The following NUDT5 variants were observed in gnomAD, a reference collection of about 807,000 sequenced individuals.
NUDT5 encodes ADP-sugar pyrophosphatase.
A neutral mutation model predicts 34.1 loss-of-function variants in NUDT5; 21 were observed. The observed-to-expected ratio is 0.62, with a 90% confidence interval of 0.44 to 0.89. The LOEUF is 0.89. NUDT5 is among the 40% of genes least tolerant of loss of function. The probability of loss-of-function intolerance (pLI) is 0.00; values close to 1 mark genes in which losing one functional copy is unlikely to be tolerated. For synonymous variants in NUDT5, 85 were observed against 97.6 expected, an observed-to-expected ratio of 0.87 and a Z score of 0.76; for missense variants, 249 against 274.8, an observed-to-expected ratio of 0.91 and a Z score of 0.66.
At position 12,169,409 on chromosome 10, in the gene NUDT5, G is replaced by C; in HGVS notation, c.550+1308C>G. On this transcript the variant is annotated intron_variant, in intron 9 of 9. Transcript: ENST00000491614. The surrounding 1 kb of genome is among the most constrained non-coding windows in gnomAD (Gnocchi z 4.8). ...CTCCTCAGAGGGAGGGGCTGTTATT[G>C]TTCCTGTTTTATGAAAAAAGCCGAG... The C allele has an allele frequency of 1.1e-6, 1 of 946,644 alleles. No individual in the cohort carries two copies. Among genetic ancestry groups the C allele is most frequent in the Non-Finnish European group, 1.6e-6 (1 of 636,746 alleles). 58.6% of individuals were successfully genotyped at this position (946,644 alleles called of 1,614,324 possible).
rs918618949 is a variant in NUDT5 at position 12,165,519 on chromosome 10, CAGAT to C, written c.*2179_*2182del. 79 of 246,306 alleles carry C rather than the reference CAGAT, an allele frequency of 3.2e-4. No homozygotes were observed. Among genetic ancestry groups the C allele is most frequent in the African/African-American group, 1.7e-3 (75 of 43,274 alleles). The allele number at this position is 246,306 out of a possible 1,614,324, so 15.3% of individuals were successfully genotyped here. A position where few individuals can be genotyped will look rare whatever the true frequency, so the allele number is the denominator to read the frequency against. ...TCAAACTTTAATCCTAAATTATTGACAGATAGATAGATAGTGACCAACTTAAGGG... is the reference window on the plus strand; with the variant it reads ...TCAAACTTTAATCCTAAATTATTGACAGATAGATAGTGACCAACTTAAGGG... On this transcript the variant is annotated 3_prime_UTR_variant, in exon 10 of 10. Transcript: ENST00000491614.
intron 1 of NUDT5, among the ~76,000 whole-genome samples, chr10:12,191,909 G>A (rs1453774506): frequency 6.6e-6 from 1 of 152,126 alleles, no homozygotes; most frequent in Non-Finnish European, 1.5e-5. Flanking sequence ...TCAAAAGCCT[G>A]GTTCTGCAGT....
intron 2 of NUDT5, 61 bp downstream of exon 2, chr10:12,186,168 T>C (rs1835123842): frequency 1.6e-6 from 2 of 1,226,894 alleles, no homozygotes; most frequent in South Asian, 1.2e-5. Context: ...ACAGTCTATA[T>C]ATTTCTGCTA....
chr10:12,195,640 A>G (rs1231711482), intron 1 of NUDT5, 130 bp downstream of exon 1: 2 of 152,676 alleles, frequency 1.3e-5, no homozygotes, highest in Non-Finnish European at 2.9e-5. Context: ...GGGCGCCTGG[A>G]CGCGTGCCCA....
In NUDT5 at chr10:12,169,202, A is replaced by T. The variant is rs1834789615; in HGVS notation, c.551-1391T>A. ...TTTACCCCTCCTCCTTTATAGCCATAGTAGCCCTCTCTCCACCTCCCCTCA... is the reference window on the plus strand; with the variant it reads ...TTTACCCCTCCTCCTTTATAGCCATTGTAGCCCTCTCTCCACCTCCCCTCA... On this transcript the variant is annotated intron_variant, in intron 9 of 9. Transcript: ENST00000491614. This position sits in a 1 kb window ranked among gnomAD's most constrained non-coding sequence, Gnocchi z 4.8. The T allele has an allele frequency of 8.4e-7, 1 of 1,187,456 alleles. No individual in the cohort carries two copies. Among genetic ancestry groups the T allele is most frequent in the Non-Finnish European group, 1.2e-6 (1 of 823,762 alleles). 73.6% of individuals were successfully genotyped at this position (1,187,456 alleles called of 1,614,324 possible).
At chr10:12,167,856 G>GGACAAAACATCTTATTCAATCA in intron 9 of NUDT5, 45 bp from the exon 10 acceptor site, 1 of 1,608,348 alleles carries the variant, frequency 6.2e-7, no homozygotes, top group South Asian at 1.1e-5. Context: ...CGTTAAGGAA[G>GGACAAAACATCTTATTCAATCA]GACAAAACAT....
chr10:12,194,592 C>T (rs1252643331), intron 1 of NUDT5, among the ~76,000 whole-genome samples: 2 of 152,200 alleles, frequency 1.3e-5, no homozygotes, highest in Non-Finnish European at 2.9e-5. Context: ...CAACTAGCCA[C>T]TTAGCCAGTA....
intron 1 of NUDT5, among the ~76,000 whole-genome samples, chr10:12,188,788 G>A (rs1031354467): frequency 1.5e-4 from 22 of 147,056 alleles, no homozygotes; most frequent in Admixed American, 2.7e-4. Flanking sequence ...TCACTCCCCC[G>A]GACCTCATTT....
intron 5 of NUDT5, among the ~76,000 whole-genome samples, chr10:12,176,030 T>C (rs937977965): frequency 6.6e-6 from 1 of 151,736 alleles, no homozygotes; most frequent in African/African-American, 2.4e-5. Context: ...AAACCCCGTC[T>C]CTACTGAGAA....
Position 12,195,832 on chromosome 10 carries a change from G to A in NUDT5, c.-104C>T, listed in dbSNP as rs1298666604. On this transcript the variant is annotated 5_prime_UTR_variant, in exon 1 of 10. Coordinates refer to ENST00000491614, the MANE Select transcript of NUDT5 (RefSeq NM_014142.4). ...TAACTAGCTGGAGGCAGCAGTGTCA[G>A]CCGATGCCGGTGCCACGGCTCGAAA... is the stretch of plus-strand genomic sequence containing the variant. 1 of 238,896 alleles carries A rather than the reference G, an allele frequency of 4.2e-6. No individual in the cohort carries two copies. Among genetic ancestry groups the A allele is most frequent in the African/African-American group, 2.3e-5 (1 of 43,270 alleles). 14.8% of individuals were successfully genotyped at this position (238,896 alleles called of 1,614,324 possible). A position where few individuals can be genotyped will look rare whatever the true frequency, so the allele number is the denominator to read the frequency against.
intron 1 of NUDT5, among the ~76,000 whole-genome samples, chr10:12,195,019 C>T (rs1444096631): frequency 2.6e-5 from 4 of 152,092 alleles, no homozygotes; most frequent in Admixed American, 6.5e-5. Context: ...AAAAATTAGC[C>T]GGCGTAGTGG....
chr10:12,178,149 A>T (rs188441202), intron 4 of NUDT5, among the ~76,000 whole-genome samples: 3 of 147,182 alleles, frequency 2.0e-5, no homozygotes, highest in African/African-American at 7.5e-5. Context: ...AAATCGGAAT[A>T]AAACGAAACA....
In NUDT5 at chr10:12,177,775, C is replaced by T. The variant is rs375202726; in HGVS notation, c.289+18G>A. 435 of 1,563,734 alleles carry T rather than the reference C, an allele frequency of 2.8e-4. No individual in the cohort carries two copies. Among genetic ancestry groups the T allele is most frequent in the South Asian group, 6.1e-4 (55 of 90,012 alleles). On this transcript the variant is annotated intron_variant, in intron 5 of 9. Transcript: ENST00000491614. Reference sequence around the variant, plus strand: ...AGGCCAACATCCCTAAGAAGCAATTCGATGTTGAGTGACTCACCTGCAGGG... The same window carrying T: ...AGGCCAACATCCCTAAGAAGCAATTTGATGTTGAGTGACTCACCTGCAGGG...
At chr10:12,185,370 T>C (rs1835109046) in intron 2 of NUDT5, among the ~76,000 whole-genome samples, 1 of 152,194 alleles carries the variant, frequency 6.6e-6, no homozygotes, top group Admixed American at 6.5e-5. Flanking sequence ...TTCTAGACAC[T>C]GGTATTTTTC....
At chr10:12,172,964 T>C in intron 6 of NUDT5, 98 bp from the exon 7 acceptor site, 1 of 845,668 alleles carries the variant, frequency 1.2e-6, no homozygotes, top group Non-Finnish European at 1.9e-6. Flanking sequence ...AGCATTGACG[T>C]GGAGGTGATG....
At position 12,173,853 on chromosome 10, in the gene NUDT5, C is replaced by G. The variant is rs753559256; in HGVS notation, c.290-40G>C. ...CATTGGTGTGATGGGAGCGGGAAAT[C>G]CGGTTCTTTAAACCCTCCTTTTTTT... On this transcript the variant is annotated intron_variant, in intron 5 of 9. Transcript: ENST00000491614. This position sits in a 1 kb window ranked among gnomAD's most constrained non-coding sequence, Gnocchi z 4.7. 3.5e-6 allele frequency: 5 copies of G among 1,447,952 alleles called. No individual in the cohort carries two copies. In the East Asian group the frequency reaches 1.2e-4, roughly 34 times the overall value. The allele number at this position is 1,447,952 out of a possible 1,614,324, so 89.7% of individuals were successfully genotyped here.
Position 12,167,765 on chromosome 10 carries a change from G to C in NUDT5, c.597C>G (p.Ser199=). Reference sequence around the variant, plus strand: ...TTGCATGTTTCAGTGCTAGAGCGTAGGAATAGACCCTGGCGTCCACTGTGA... The same window carrying C: ...TTGCATGTTTCAGTGCTAGAGCGTACGAATAGACCCTGGCGTCCACTGTGA... ...EHLTVDARVY[S]YALALKHANA... The change falls in exon 10 of 10, where the codon TCC becomes TCG. Residue 199 remains serine (S), a synonymous_variant. Transcript: ENST00000491614. The C allele has an allele frequency of 6.2e-7, 1 of 1,614,190 alleles. No individual in the cohort carries two copies. Among genetic ancestry groups the C allele is most frequent in the South Asian group, 1.1e-5 (1 of 91,084 alleles).
In NUDT5 at chr10:12,184,394, C is replaced by A; in HGVS notation, c.131+495G>T. On this transcript the variant is annotated intron_variant, in intron 3 of 9. Coordinates refer to ENST00000491614, the MANE Select transcript of NUDT5 (RefSeq NM_014142.4). ...TTTGTTAAAACTGGGATTACTCGGT[C>A]AAAGGGTACAGTATCTTTAGGGCTA... 5.8e-6 allele frequency: 6 copies of A among 1,033,810 alleles called. No homozygotes were observed. The South Asian group carries it at 6.9e-5, about 12-fold the overall frequency. 64.0% of individuals were successfully genotyped at this position (1,033,810 alleles called of 1,614,324 possible).
chr10:12,178,932 C>T, intron 4 of NUDT5, 151 bp downstream of exon 4: 1 of 665,626 alleles, frequency 1.5e-6, no homozygotes, highest in Non-Finnish European at 2.7e-6. Context: ...ATAAAGAAAG[C>T]TTAATTTCGT....
Sources: gnomAD v4.1 joint callset for allele counts (sites outside exome capture counted in the v4.1 genomes callset) on GRCh38, gnomAD v4.1.1 for gene constraint, Gnocchi (gnomAD v3.1) non-coding constraint, MANE v1.5 for transcripts, NCBI Gene and HGNC (gene_info 2026-07-23, HGNC 2026-07-21) for gene names.